The following HLCS variants were observed in gnomAD, a reference collection of about 807,000 sequenced individuals.
HLCS encodes biotin--protein ligase.
Under a neutral mutation model 75.0 loss-of-function variants are expected in HLCS, and 53 were observed. The ratio of observed to expected loss-of-function variants is 0.71; its 90% CI spans 0.57 to 0.89. The LOEUF is 0.89. HLCS is among the 40% of genes least tolerant of loss of function. The pLI is 0.00. For missense variants in HLCS, 966 were observed against 1,074.0 expected, an observed-to-expected ratio of 0.90 and a Z score of 1.41; for synonymous variants, 431 against 428.6, an observed-to-expected ratio of 1.01 and a Z score of -0.07.
chr21:36,948,018 G>A (rs1226539301), intron 2 of HLCS: 17 of 984,180 alleles, frequency 1.7e-5, no homozygotes, highest in East Asian at 1.1e-4. Context: ...AGGGCCAGGC[G>A]CGGTGGCTCA....
At chr21:36,801,711 A>T (rs954044823) in intron 6 of HLCS, among the ~76,000 whole-genome samples, 11 of 152,226 alleles carry the variant, frequency 7.2e-5, no homozygotes, top group African/African-American at 2.7e-4. Context: ...GCAAAACTTC[A>T]GATATTAATT....
chr21:36,853,232 C>T (rs889199265), intron 6 of HLCS, among the ~76,000 whole-genome samples: 5 of 152,150 alleles, frequency 3.3e-5, no homozygotes, highest in Middle Eastern at 3.2e-3. Flanking sequence ...TCCTAAAACA[C>T]GTTATTTCGG....
At chr21:36,941,394 C>A (rs896552786) in intron 2 of HLCS, among the ~76,000 whole-genome samples, 2 of 152,184 alleles carry the variant, frequency 1.3e-5, no homozygotes, top group African/African-American at 4.8e-5. Context: ...ATTACCCAGT[C>A]TTGGGCAGTT....
intron 1 of HLCS, among the ~76,000 whole-genome samples, chr21:36,972,437 G>A (rs992657510): frequency 1.3e-5 from 2 of 152,126 alleles, no homozygotes; most frequent in Admixed American, 6.6e-5. Flanking sequence ...GGCATGTGTC[G>A]TGCCTGGCCT....
chr21:36,797,462 T>C (rs1231047118), intron 6 of HLCS, among the ~76,000 whole-genome samples: 3 of 152,182 alleles, frequency 2.0e-5, no homozygotes, highest in African/African-American at 7.2e-5. Context: ...GTTTGTGTTT[T>C]CATAAATAGT....
chr21:36,826,415 G>T (rs929456864), intron 6 of HLCS, among the ~76,000 whole-genome samples: 5 of 152,204 alleles, frequency 3.3e-5, no homozygotes, highest in Non-Finnish European at 7.3e-5. Flanking sequence ...ATGGACAAAT[G>T]AATGGATCGT....
intron 6 of HLCS, among the ~76,000 whole-genome samples, chr21:36,811,393 A>G (rs2061505452): frequency 6.6e-6 from 1 of 152,212 alleles, no homozygotes; most frequent in Non-Finnish European, 1.5e-5. Flanking sequence ...GATCTTCAAA[A>G]ACTATAACCT....
At chr21:36,760,564 C>T (rs1163787758) in intron 8 of HLCS, among the ~76,000 whole-genome samples, 7 of 150,412 alleles carry the variant, frequency 4.7e-5, no homozygotes, top group East Asian at 1.9e-4. Flanking sequence ...GAGCCGAGAT[C>T]GTGCCACTGC....
At chr21:36,939,923 C>T (rs137932072) in intron 2 of HLCS, among the ~76,000 whole-genome samples, 259 of 152,260 alleles carry the variant, frequency 1.7e-3, no homozygotes, top group Non-Finnish European at 2.6e-3. Flanking sequence ...GTGTCGCACA[C>T]CTGTAGTCCC....
chr21:36,919,221 T>C (rs1284367828), intron 5 of HLCS, among the ~76,000 whole-genome samples: 1 of 152,234 alleles, frequency 6.6e-6, no homozygotes, highest in African/African-American at 2.4e-5. Context: ...AATTCACTCA[T>C]TATTTATATT....
At chr21:36,788,300 C>A (rs2060754578) in intron 6 of HLCS, among the ~76,000 whole-genome samples, 1 of 152,210 alleles carries the variant, frequency 6.6e-6, no homozygotes, top group African/African-American at 2.4e-5. Flanking sequence ...TGTGCAGGGC[C>A]CGCCCAAGAG....
intron 10 of HLCS, among the ~76,000 whole-genome samples, chr21:36,755,082 T>C (rs1229565037): frequency 6.6e-6 from 1 of 151,826 alleles, no homozygotes; most frequent in Admixed American, 6.6e-5. Flanking sequence ...AAGCACACAT[T>C]TTTTTTTCCT....
intron 6 of HLCS, among the ~76,000 whole-genome samples, chr21:36,865,182 G>A (rs1458052975): frequency 6.6e-6 from 1 of 151,902 alleles, no homozygotes; most frequent in African/African-American, 2.4e-5. Context: ...ATCTGCTCGG[G>A]CGGATCAATC....
chr21:36,923,851 C>T (rs929530847), intron 5 of HLCS, among the ~76,000 whole-genome samples: 2 of 151,994 alleles, frequency 1.3e-5, no homozygotes, highest in Admixed American at 6.6e-5. Flanking sequence ...TCAAAATGAA[C>T]AAAAAATTTC....
chr21:36,962,472 G>C (rs2068351238), intron 1 of HLCS, among the ~76,000 whole-genome samples: 1 of 152,124 alleles, frequency 6.6e-6, no homozygotes, highest in Non-Finnish European at 1.5e-5. Flanking sequence ...GCACACAGTA[G>C]CTAACCGGGA....
intron 6 of HLCS, among the ~76,000 whole-genome samples, chr21:36,827,385 A>G (rs2898306): frequency 0.31 from 46,263 of 151,568 alleles, 7,496 homozygotes; most frequent in African/African-American, 0.38. Context: ...CCTGGCCAAC[A>G]TGGTGAAACC....
intron 3 of HLCS, among the ~76,000 whole-genome samples, 158 bp downstream of exon 3, chr21:36,938,674 T>C (rs1428538488): frequency 6.6e-6 from 1 of 152,068 alleles, no homozygotes; most frequent in Non-Finnish European, 1.5e-5. Context: ...AATTTTTTTG[T>C]TTGTTTGTTT....
chr21:36,795,977 A>T (rs2061013576), intron 6 of HLCS, among the ~76,000 whole-genome samples: 1 of 152,122 alleles, frequency 6.6e-6, no homozygotes, highest in African/African-American at 2.4e-5. Context: ...ACAAGGTTTT[A>T]AAAAAATATT....
Position 36,764,520 on chromosome 21 carries a change from A to G in HLCS, c.2121+492T>C, listed in dbSNP as rs528527642. On this transcript the variant is annotated intron_variant, in intron 8 of 10. Transcript: ENST00000674895. ...GGACTTCAAGACCAGCCTGGGCCAC[A>G]TGGTGAAACCCCATCTCTACTAAAA... 1.7e-4 allele frequency among the ~76,000 whole-genome samples: 26 copies of G among 152,242 alleles called. No homozygotes were observed. The South Asian group carries it at 4.3e-3, about 25-fold the overall frequency.
Sources: allele counts gnomAD v4.1 joint callset (sites outside exome capture counted in the v4.1 genomes callset), GRCh38; gene constraint gnomAD v4.1.1; transcripts MANE v1.5; gene names NCBI Gene and HGNC (gene_info 2026-07-23, HGNC 2026-07-21).